The following SNCAIP variants were observed in gnomAD, a reference collection of about 807,000 sequenced individuals.
The protein encoded by SNCAIP is synphilin-1.
SNCAIP carries 43 observed loss-of-function variants against 86.7 expected under a neutral mutation model. That is an observed-to-expected ratio of 0.50 (90% confidence interval 0.39 to 0.64). The LOEUF (loss-of-function observed/expected upper bound fraction) is 0.64, where lower values mean the gene tolerates loss of function less well. Ranked by LOEUF, SNCAIP falls within the 30% of genes least tolerant of loss-of-function variation. The pLI is 0.00. For missense variants in SNCAIP, 981 were observed against 1,103.1 expected, an observed-to-expected ratio of 0.89 and a Z score of 1.57; for synonymous variants, 417 against 427.2, an observed-to-expected ratio of 0.98 and a Z score of 0.29.
intron 1 of SNCAIP, among the ~76,000 whole-genome samples, chr5:122,352,317 C>G (rs1404322797): frequency 6.6e-6 from 1 of 152,108 alleles, no homozygotes; most frequent in Non-Finnish European, 1.5e-5. Flanking sequence ...TTAGAAATGT[C>G]CATAGGTTTG....
intron 1 of SNCAIP, among the ~76,000 whole-genome samples, chr5:122,332,604 G>A (rs1338889538): frequency 6.6e-6 from 1 of 152,242 alleles, no homozygotes; most frequent in Non-Finnish European, 1.5e-5. Context: ...ACCTAGAGCT[G>A]TAGCTAAGCT....
chr5:122,427,493 C>T (rs969970120), intron 5 of SNCAIP, among the ~76,000 whole-genome samples: 35 of 151,834 alleles, frequency 2.3e-4, no homozygotes, highest in African/African-American at 8.2e-4. Flanking sequence ...TTTGAATGTT[C>T]TATTCCTTTA....
intron 1 of SNCAIP, among the ~76,000 whole-genome samples, chr5:122,354,778 T>C (rs2152751296): frequency 6.6e-6 from 1 of 152,332 alleles, no homozygotes. Context: ...TGGACTTTTA[T>C]TCATTTTTAT....
intron 3 of SNCAIP, among the ~76,000 whole-genome samples, chr5:122,406,764 C>T (rs1203262928): frequency 6.6e-6 from 1 of 152,170 alleles, no homozygotes; most frequent in Non-Finnish European, 1.5e-5. Context: ...AGCCGCTATG[C>T]TTCCTGTACA....
intron 1 of SNCAIP, among the ~76,000 whole-genome samples, chr5:122,348,725 T>C (rs1199270687): frequency 6.6e-6 from 1 of 152,030 alleles, no homozygotes; most frequent in Non-Finnish European, 1.5e-5. Context: ...AATTGAAAAT[T>C]AGAGAACAAA....
chr5:122,404,070 C>T (rs1337610803), intron 3 of SNCAIP, among the ~76,000 whole-genome samples: 1 of 152,100 alleles, frequency 6.6e-6, no homozygotes, highest in African/African-American at 2.4e-5. Flanking sequence ...GACAGGGAGG[C>T]CCTAATGAGG....
chr5:122,333,416 C>T (rs1011164679), intron 1 of SNCAIP, among the ~76,000 whole-genome samples: 7 of 152,168 alleles, frequency 4.6e-5, no homozygotes, highest in Admixed American at 6.5e-5. Context: ...GTTTTACTAC[C>T]GCCTGCCTTG....
At chr5:122,408,809 G>A (rs1166085387) in intron 3 of SNCAIP, among the ~76,000 whole-genome samples, 1 of 152,190 alleles carries the variant, frequency 6.6e-6, no homozygotes, top group Non-Finnish European at 1.5e-5. Context: ...CAGTGTACCA[G>A]GCATTGTGCC....
chr5:122,423,525 T>G lies in SNCAIP; in HGVS notation c.788T>G (p.Phe263Cys), dbSNP rs140295293. 3.5e-5 allele frequency: 57 copies of G among 1,614,082 alleles called. No homozygotes were observed. The African/African-American group carries it at 7.2e-4, about 20-fold the overall frequency. ...AGTAAAGACTTCCTAAACAAGACATTTAGTGATCCTCATGGTCGAAAAGTT... is the reference window on the plus strand; with the variant it reads ...AGTAAAGACTTCCTAAACAAGACATGTAGTGATCCTCATGGTCGAAAAGTT... Reference protein sequence around the residue: ...NQSKDFLNKTFSDPHGRKVEK... With the variant: ...NQSKDFLNKTCSDPHGRKVEK... The change falls in exon 4 of 11, where the codon TTT (phenylalanine) becomes TGT (cysteine). Residue 263 changes from phenylalanine to cysteine, a missense_variant. By Grantham distance (205) the Phe-to-Cys change is radical (BLOSUM62 -2). Transcript: ENST00000261368.
At chr5:122,400,554 A>G (rs964077699) in intron 2 of SNCAIP, among the ~76,000 whole-genome samples, 9 of 152,256 alleles carry the variant, frequency 5.9e-5, no homozygotes, top group Non-Finnish European at 1.3e-4. Flanking sequence ...GAAACACCAC[A>G]GCACATGACA....
At chr5:122,392,620 C>T (rs186575182) in intron 2 of SNCAIP, among the ~76,000 whole-genome samples, 30 of 152,212 alleles carry the variant, frequency 2.0e-4, no homozygotes, top group Admixed American at 2.6e-4. Context: ...GGTAGCTCTC[C>T]GAACTTTGAT....
chr5:122,461,663 A>G (rs1231776896), intron 10 of SNCAIP, among the ~76,000 whole-genome samples: 1 of 139,914 alleles, frequency 7.1e-6, no homozygotes, highest in Non-Finnish European at 1.5e-5. Flanking sequence ...TTCCTTTTTT[A>G]TAGCTGTTTT....
rs1301582325 is a variant in SNCAIP at position 122,460,162 on chromosome 5, C to T, written c.2755-3329C>T. Among the ~76,000 whole-genome samples, 5 of 151,616 alleles carry T rather than the reference C, an allele frequency of 3.3e-5. No homozygotes were observed. The East Asian group carries it at 9.7e-4, about 29-fold the overall frequency. ...TAAGAAACAGGGTCTTGCTCAGTCACCTAGGCTGCAGTGCAGTCGTGTGAT... is the reference window on the plus strand; with the variant it reads ...TAAGAAACAGGGTCTTGCTCAGTCATCTAGGCTGCAGTGCAGTCGTGTGAT... On this transcript the variant is annotated intron_variant, in intron 10 of 10. Coordinates refer to ENST00000261368, the MANE Select transcript of SNCAIP (RefSeq NM_005460.4).
chr5:122,418,122 G>A (rs530312807), intron 3 of SNCAIP, among the ~76,000 whole-genome samples: 34 of 151,348 alleles, frequency 2.2e-4, no homozygotes, highest in Non-Finnish European at 4.0e-4. Flanking sequence ...TAAATGCAGG[G>A]AGAGTATGGT....
chr5:122,438,645 A>C (rs911787530), intron 6 of SNCAIP, among the ~76,000 whole-genome samples: 15 of 152,242 alleles, frequency 9.9e-5, no homozygotes. Flanking sequence ...TGGTAAAATT[A>C]GTTTCATTAT....
intron 1 of SNCAIP, among the ~76,000 whole-genome samples, chr5:122,375,746 A>T (rs946757439): frequency 6.6e-5 from 10 of 152,098 alleles, no homozygotes; most frequent in Non-Finnish European, 1.5e-4. Context: ...AATTGAAAAA[A>T]AATAATAAAA....
intron 1 of SNCAIP, among the ~76,000 whole-genome samples, chr5:122,327,399 G>A (rs1345575085): frequency 2.6e-5 from 4 of 152,102 alleles, no homozygotes; most frequent in African/African-American, 7.2e-5. Flanking sequence ...ATATGCTCTG[G>A]TACTGTATGG....
At chr5:122,463,410 T>G in intron 10 of SNCAIP, 81 bp from the exon 11 acceptor site, 1 of 810,848 alleles carries the variant, frequency 1.2e-6, no homozygotes, top group Non-Finnish European at 2.2e-6. Flanking sequence ...TTCCATTTTT[T>G]GGTGAGCTGT....
At chr5:122,362,038 T>C (rs1250127575) in intron 1 of SNCAIP, among the ~76,000 whole-genome samples, 1 of 152,246 alleles carries the variant, frequency 6.6e-6, no homozygotes, top group African/African-American at 2.4e-5. Flanking sequence ...TAATCATCAC[T>C]GATTTGCCTG....
Sources: gnomAD v4.1 joint callset for allele counts (sites outside exome capture counted in the v4.1 genomes callset) on GRCh38, gnomAD v4.1.1 for gene constraint, MANE v1.5 for transcripts, NCBI Gene and HGNC (gene_info 2026-07-23, HGNC 2026-07-21) for gene names.